The following DCDC1 variants were observed in gnomAD, a reference collection of about 807,000 sequenced individuals.
DCDC1 encodes doublecortin domain-containing protein 1.
A neutral mutation model predicts 178.3 loss-of-function variants in DCDC1; 200 were observed. The ratio of observed to expected loss-of-function variants is 1.12; its 90% CI spans 1.00 to 1.26. The LOEUF is 1.26. DCDC1 is among the 50% of genes most tolerant of loss of function. DCDC1 has a pLI of 0.00. For missense variants in DCDC1, 1,983 were observed against 1,749.2 expected (o/e 1.13, Z -2.38); for synonymous variants, 690 against 604.8 (o/e 1.14, Z -2.07).
At chr11:31,064,434 T>C (rs770933814) in intron 20 of DCDC1, 35 bp downstream of exon 20, 5 of 708,196 alleles carry the variant, frequency 7.1e-6, no homozygotes, top group Non-Finnish European at 1.3e-5. Flanking sequence ...TCGAATGTCA[T>C]TGAGCAATAA....
chr11:31,315,919 T>C (rs1306102691), intron 3 of DCDC1, among the ~76,000 whole-genome samples: 21 of 112,942 alleles, frequency 1.9e-4, no homozygotes, highest in African/African-American at 8.6e-4. Context: ...GGTTTTTTGT[T>C]CTTGCAATAG....
intron 3 of DCDC1, among the ~76,000 whole-genome samples, chr11:31,308,835 G>T (rs2761590): frequency 0.41 from 61,560 of 151,954 alleles, 12,873 homozygotes; most frequent in African/African-American, 0.47. Flanking sequence ...CAGGTTCCAT[G>T]TATTACCATA....
At chr11:31,085,829 T>C (rs1363086759) in intron 17 of DCDC1, among the ~76,000 whole-genome samples, 1 of 152,128 alleles carries the variant, frequency 6.6e-6, no homozygotes, top group Non-Finnish European at 1.5e-5. Context: ...TGCCACAGCC[T>C]CCTGAGTAGG....
rs1042746291 is a variant in DCDC1, at chr11:30,931,907, G to A, written c.2761C>T (p.Pro921Ser). The A allele has an allele frequency of 6.2e-7, 1 of 1,612,942 alleles. No individual in the cohort carries two copies. Among genetic ancestry groups the A allele is most frequent in the African/African-American group, 1.3e-5 (1 of 74,980 alleles). ...GTCTTACAGATGGGTTTCTTCATGG[G>A]AGGACTGCTCGGAACAAGCAGTCCT... is the stretch of plus-strand genomic sequence containing the variant. Reference protein sequence around the residue: ...IQGLLVPSSPPMKKPICKTTE... With the variant: ...IQGLLVPSSPSMKKPICKTTE... The change falls in exon 22 of 39, where the codon CCC becomes TCC. Residue 921 changes from proline (P) to serine (S), a missense_variant. By Grantham distance (74) the Pro-to-Ser change is moderately conservative. Transcript: ENST00000684477.
intron 20 of DCDC1, among the ~76,000 whole-genome samples, chr11:31,012,607 C>CAAA (rs780824791): frequency 1.3e-5 from 1 of 74,612 alleles, no homozygotes; most frequent in Admixed American, 1.4e-4. Flanking sequence ...CCTGTCTCAA[C>CAAA]AAAAAAAAAA....
chr11:30,992,730 C>T (rs548697569), intron 20 of DCDC1: 2 of 152,114 alleles, frequency 1.3e-5, no homozygotes, highest in Admixed American at 1.3e-4. Flanking sequence ...ACTGAAGAAA[C>T]AAAGTCCAAA....
intron 36 of DCDC1, chr11:30,882,740 C>A (rs1942800773): frequency 6.6e-6 from 1 of 151,994 alleles, no homozygotes; most frequent in African/African-American, 2.4e-5. Flanking sequence ...GAAAAATCAA[C>A]AATAGCAACA....
intron 20 of DCDC1, among the ~76,000 whole-genome samples, chr11:31,010,297 G>T (rs2135110982): frequency 6.6e-6 from 1 of 152,320 alleles, no homozygotes; most frequent in South Asian, 2.1e-4. Flanking sequence ...TCATCTGGAG[G>T]TTCAACTGGG....
At chr11:30,954,383 C>G (rs1014471556) in intron 20 of DCDC1, among the ~76,000 whole-genome samples, 2 of 152,092 alleles carry the variant, frequency 1.3e-5, no homozygotes, top group Admixed American at 1.3e-4. Context: ...ATAGAAAATA[C>G]TAAAAACGAG....
intron 9 of DCDC1, among the ~76,000 whole-genome samples, chr11:31,168,471 G>A (rs1966860865): frequency 6.6e-6 from 1 of 152,172 alleles, no homozygotes; most frequent in Admixed American, 6.6e-5. Context: ...TGGTTTTCTA[G>A]CTCTCTGGTA....
intron 20 of DCDC1, among the ~76,000 whole-genome samples, chr11:30,979,916 A>G (rs773453474): frequency 7.9e-5 from 12 of 152,220 alleles, no homozygotes; most frequent in Non-Finnish European, 1.6e-4. Context: ...CTGAGAGGCA[A>G]GAAGCAATAG....
chr11:30,935,333 G>C (rs899260617), intron 21 of DCDC1, among the ~76,000 whole-genome samples: 1 of 152,160 alleles, frequency 6.6e-6, no homozygotes, highest in South Asian at 2.1e-4. Context: ...CTGCCTGTGA[G>C]AGCCATCTCT....
chr11:31,252,820 T>C (rs917152761), intron 8 of DCDC1, among the ~76,000 whole-genome samples: 1 of 152,074 alleles, frequency 6.6e-6, no homozygotes, highest in African/African-American at 2.4e-5. Flanking sequence ...TAAAACAGAT[T>C]TTTTAGAGAA....
chr11:31,239,799 T>A (rs933670127), intron 9 of DCDC1, among the ~76,000 whole-genome samples: 5 of 151,856 alleles, frequency 3.3e-5, no homozygotes, highest in African/African-American at 1.2e-4. Flanking sequence ...ATATTTTTCA[T>A]CAATTTTGAG....
At chr11:31,244,254 T>A (rs2774409) in intron 8 of DCDC1, among the ~76,000 whole-genome samples, 2 of 151,518 alleles carry the variant, frequency 1.3e-5, no homozygotes, top group African/African-American at 4.8e-5. Flanking sequence ...GAAGTCGCTC[T>A]ACTTTTTAAC....
At position 30,923,288 on chromosome 11, in the gene DCDC1, T is replaced by C. The variant is rs1309161642; in HGVS notation, c.2998-650A>G. Among the ~76,000 whole-genome samples the C allele has an allele frequency of 3.3e-5, 5 of 152,054 alleles. No homozygotes were observed. The South Asian group carries it at 8.3e-4, about 25-fold the overall frequency. On this transcript the variant is annotated intron_variant, in intron 23 of 38. Coordinates refer to ENST00000684477, the MANE Select transcript of DCDC1 (RefSeq NM_001387274.1). ...CTACAATATCTACTATCTCATTCTT[T>C]ACAGAAAACATTTAATGACCCCTGG...
At chr11:30,943,279 T>C (rs1947788121) in intron 21 of DCDC1, 1 of 153,008 alleles carries the variant, frequency 6.5e-6, no homozygotes, top group Non-Finnish European at 1.5e-5. Flanking sequence ...GTTTCATAGC[T>C]ATATTAGTCC....
intron 9 of DCDC1, among the ~76,000 whole-genome samples, chr11:31,142,843 T>C (rs1963995599): frequency 6.6e-6 from 1 of 152,152 alleles, no homozygotes; most frequent in Non-Finnish European, 1.5e-5. Flanking sequence ...ATGGTCTTTT[T>C]TTTTGTCTTT....
chr11:31,293,956 G>A (rs564204448), intron 6 of DCDC1, among the ~76,000 whole-genome samples: 1 of 152,316 alleles, frequency 6.6e-6, no homozygotes, highest in Non-Finnish European at 1.5e-5. Context: ...ATTTCTGTCA[G>A]TGTTTCCACT....
Sources: gnomAD v4.1 joint callset for allele counts (sites outside exome capture counted in the v4.1 genomes callset) on GRCh38, gnomAD v4.1.1 for gene constraint, MANE v1.5 for transcripts, NCBI Gene and HGNC (gene_info 2026-07-23, HGNC 2026-07-21) for gene names.